Variants in RTF2 observed in about 807,000 individuals in gnomAD.
RTF2 encodes the protein replication termination factor 2.
Under a neutral mutation model 38.0 loss-of-function variants are expected in RTF2, and 18 were observed. That is an observed-to-expected ratio of 0.47 (90% confidence interval 0.33 to 0.70). The LOEUF (loss-of-function observed/expected upper bound fraction) is 0.70, where lower values mean the gene tolerates loss of function less well. Ranked by LOEUF, RTF2 falls within the 30% of genes least tolerant of loss-of-function variation. The pLI is 0.02. For synonymous variants in RTF2, 126 were observed against 137.1 expected (o/e 0.92, Z 0.57); for missense variants, 311 against 379.6 (o/e 0.82, Z 1.50).
chr20:56,507,137 A>G (rs184515448), intron 5 of RTF2, among the ~76,000 whole-genome samples: 5 of 152,342 alleles, frequency 3.3e-5, no homozygotes, highest in Non-Finnish European at 7.3e-5. Context: ...ATGCATTAGC[A>G]GGAAGATATG....
At chr20:56,497,421 G>A (rs1295387480) in intron 5 of RTF2, 3 of 1,546,112 alleles carry the variant, frequency 1.9e-6, no homozygotes, top group South Asian at 2.4e-5. Flanking sequence ...AATTTAGGGG[G>A]CCGCCCCTTT....
At position 56,484,151 on chromosome 20, in the gene RTF2, C is replaced by T. The variant is rs1416871760; in HGVS notation, c.439C>T (p.Arg147Ter). 8 of 1,613,932 alleles carry T rather than the reference C, an allele frequency of 5.0e-6. No homozygotes were observed. Among genetic ancestry groups the T allele is most frequent in the African/African-American group, 1.3e-5 (1 of 74,892 alleles). Residue 147 changes from arginine to a stop codon, truncating the protein, a stop_gained, in exon 5 of 9, where the codon CGA (arginine) becomes TGA (stop). Coordinates refer to ENST00000357348, the MANE Select transcript of RTF2 (RefSeq NM_016407.5). LOFTEE classifies it high-confidence loss of function. ...GTGCTGCGGCTGTGTGTTTTCTGAG[C>T]GAGCCTTGAAAGAGATAAAAGCGGA... is the stretch of plus-strand genomic sequence containing the variant. ...LRCCGCVFSE[R>*]ALKEIKAEVC...
intron 5 of RTF2, among the ~76,000 whole-genome samples, chr20:56,486,619 A>G (rs1284664123): frequency 6.6e-6 from 1 of 152,226 alleles, no homozygotes; most frequent in Non-Finnish European, 1.5e-5. Context: ...ACTGCATTCC[A>G]GCCTGGGTGA....
intron 5 of RTF2, among the ~76,000 whole-genome samples, chr20:56,489,646 T>C (rs1474441404): frequency 6.6e-6 from 1 of 152,220 alleles, no homozygotes; most frequent in Admixed American, 6.5e-5. Flanking sequence ...GGAGCACCCA[T>C]GTCCTCCTAA....
intron 5 of RTF2, among the ~76,000 whole-genome samples, chr20:56,493,919 G>A (rs1191453565): frequency 2.0e-5 from 3 of 152,182 alleles, no homozygotes; most frequent in Non-Finnish European, 4.4e-5. Context: ...CGGACTGGGA[G>A]CTTGCCCATT....
intron 8 of RTF2, among the ~76,000 whole-genome samples, chr20:56,517,476 G>A (rs529186849): frequency 4.1e-4 from 62 of 152,246 alleles, no homozygotes; most frequent in African/African-American, 1.5e-3. Flanking sequence ...AAGAGGTTGC[G>A]CTGAGAACTG....
chr20:56,501,226 A>G (rs1342275048), intron 5 of RTF2, among the ~76,000 whole-genome samples: 2 of 152,058 alleles, frequency 1.3e-5, no homozygotes, highest in African/African-American at 4.8e-5. Flanking sequence ...CTTTTAAGAT[A>G]ATGGTGAACA....
chr20:56,505,487 C>CATAATAACAATA (rs1555812435), intron 5 of RTF2, among the ~76,000 whole-genome samples: 1 of 139,652 alleles, frequency 7.2e-6, no homozygotes, highest in Non-Finnish European at 1.5e-5. Flanking sequence ...GATGCCATCT[C>CATAATAACAATA]ATAATAATAA....
At chr20:56,468,812 T>C in intron 1 of RTF2, 46 bp downstream of exon 1, 3 of 1,484,430 alleles carry the variant, frequency 2.0e-6, no homozygotes, top group Middle Eastern at 1.7e-4. Context: ...TGGTGGGAAT[T>C]TGACGACCCC....
intron 5 of RTF2, among the ~76,000 whole-genome samples, chr20:56,495,024 G>A (rs1983420212): frequency 6.6e-6 from 1 of 152,148 alleles, no homozygotes; most frequent in African/African-American, 2.4e-5. Context: ...TTTTCTGTAT[G>A]AATCTTATAT....
At chr20:56,512,457 AG>A (rs1230155778) in intron 5 of RTF2, among the ~76,000 whole-genome samples, 53 of 152,130 alleles carry the variant, frequency 3.5e-4, no homozygotes, top group Non-Finnish European at 7.2e-4. Flanking sequence ...GGATCCCACC[AG>A]TGACAGCATG....
intron 3 of RTF2, 121 bp downstream of exon 3, chr20:56,474,892 T>C: frequency 1.7e-6 from 1 of 596,230 alleles, no homozygotes; most frequent in South Asian, 2.3e-5. Flanking sequence ...CACATGGCCA[T>C]CTAATACAGG....
intron 5 of RTF2, among the ~76,000 whole-genome samples, chr20:56,505,519 T>C (rs1436416493): frequency 6.6e-6 from 1 of 150,894 alleles, no homozygotes; most frequent in Non-Finnish European, 1.5e-5. Flanking sequence ...ATAATAATAT[T>C]TGCCCTGTGG....
At chr20:56,506,236 G>A (rs1385602202) in intron 5 of RTF2, among the ~76,000 whole-genome samples, 2 of 152,114 alleles carry the variant, frequency 1.3e-5, no homozygotes, top group African/African-American at 4.8e-5. Context: ...TCCTGCTTGG[G>A]GCTAACAGTG....
chr20:56,493,315 T>A (rs1341499015), intron 5 of RTF2, among the ~76,000 whole-genome samples: 2 of 152,212 alleles, frequency 1.3e-5, no homozygotes, highest in East Asian at 3.8e-4. Context: ...TAGACATATT[T>A]GCTACAATGT....
intron 5 of RTF2, among the ~76,000 whole-genome samples, chr20:56,495,751 C>T (rs902053929): frequency 1.3e-5 from 2 of 152,146 alleles, no homozygotes; most frequent in African/African-American, 2.4e-5. Context: ...ACTCATCGTA[C>T]ACCACTGTCT....
At chr20:56,492,691 C>G (rs529040570) in intron 5 of RTF2, among the ~76,000 whole-genome samples, 37 of 152,074 alleles carry the variant, frequency 2.4e-4, no homozygotes, top group African/African-American at 8.9e-4. Flanking sequence ...GCTTTTAATT[C>G]TCACAGTAAC....
chr20:56,498,526 A>G (rs1983708929), intron 5 of RTF2, among the ~76,000 whole-genome samples: 1 of 151,986 alleles, frequency 6.6e-6, no homozygotes, highest in Non-Finnish European at 1.5e-5. Flanking sequence ...AATTATTTTT[A>G]GGAAAGATGT....
At chr20:56,502,916 C>G (rs1984014383) in intron 5 of RTF2, among the ~76,000 whole-genome samples, 2 of 152,184 alleles carry the variant, frequency 1.3e-5, no homozygotes, top group African/African-American at 4.8e-5. Flanking sequence ...GTGACGGAAG[C>G]TCCTGAGTGT....
Sources: gnomAD v4.1 joint callset for allele counts (sites outside exome capture counted in the v4.1 genomes callset) on GRCh38, gnomAD v4.1.1 for gene constraint, MANE v1.5 for transcripts, NCBI Gene and HGNC (gene_info 2026-07-23, HGNC 2026-07-21) for gene names.